The following FGD5 variants were observed in gnomAD, a reference collection of about 807,000 sequenced individuals.
FGD5 encodes FYVE, RhoGEF and PH domain-containing protein 5.
A neutral mutation model predicts 133.4 loss-of-function variants in FGD5; 28 were observed. That is an observed-to-expected ratio of 0.21 (90% confidence interval 0.16 to 0.29). The LOEUF (loss-of-function observed/expected upper bound fraction) is 0.29. FGD5 is among the 10% of genes least tolerant of loss of function. The pLI is 1.00. For synonymous variants in FGD5, 810 were observed against 776.5 expected, an observed-to-expected ratio of 1.04 and a Z score of -0.72; for missense variants, 1,858 against 1,895.2, an observed-to-expected ratio of 0.98 and a Z score of 0.36.
At chr3:14,876,092 G>A (rs1385929202) in intron 2 of FGD5, among the ~76,000 whole-genome samples, 6 of 152,176 alleles carry the variant, frequency 3.9e-5, no homozygotes, top group Non-Finnish European at 8.8e-5. Context: ...GCATCTTGAG[G>A]TTGTTCCTTC....
chr3:14,892,141 C>G (rs566154448), intron 4 of FGD5, among the ~76,000 whole-genome samples: 4 of 152,078 alleles, frequency 2.6e-5, no homozygotes, highest in South Asian at 2.1e-4. Context: ...GAAGGGCTGT[C>G]CATCCTCTCT....
intron 1 of FGD5, among the ~76,000 whole-genome samples, chr3:14,831,503 C>T (rs375239031): frequency 1.6e-4 from 24 of 152,256 alleles, no homozygotes; most frequent in East Asian, 1.2e-3. Flanking sequence ...CCACCCATGA[C>T]TGCTCTGGAG....
intron 1 of FGD5, among the ~76,000 whole-genome samples, chr3:14,860,232 C>T (rs969038282): frequency 1.3e-5 from 2 of 152,152 alleles, no homozygotes; most frequent in Admixed American, 1.3e-4. Context: ...AATGTCTTGT[C>T]GTGGACCGTG....
chr3:14,814,033 G>A (rs181760477), upstream of FGD5, among the ~76,000 whole-genome samples: 597 of 152,284 alleles, frequency 3.9e-3, 4 homozygotes, highest in African/African-American at 0.014. Flanking sequence ...GGCTCAAAGG[G>A]TGTTTGGAGT....
chr3:14,934,388 T>C lies in FGD5; in HGVS notation c.*1221T>C, dbSNP rs1029060098. ...ACTGCAATAAAAATCAATTGTTTGA[T>C]ATCCTGTCCCCATTCTGTTGCTGCC... On this transcript the variant is annotated 3_prime_UTR_variant, in exon 20 of 20. Transcript: ENST00000285046. 2.6e-5 allele frequency: 4 copies of C among 152,230 alleles called. No homozygotes were observed. The highest frequency in any genetic ancestry group is 6.5e-5 in the Admixed American group (1 of 15,286). The allele number at this position is 152,230 out of a possible 1,614,324, so 9.4% of individuals were successfully genotyped here. A position where few individuals can be genotyped will look rare whatever the true frequency, so the allele number is the denominator to read the frequency against.
intron 1 of FGD5, among the ~76,000 whole-genome samples, chr3:14,862,295 C>T (rs2037414886): frequency 6.6e-6 from 1 of 152,204 alleles, no homozygotes; most frequent in Non-Finnish European, 1.5e-5. Context: ...CAGGACTCCA[C>T]TCCAAGTCTG....
intron 2 of FGD5, among the ~76,000 whole-genome samples, chr3:14,874,414 A>G (rs896792940): frequency 6.6e-6 from 1 of 152,134 alleles, no homozygotes; most frequent in Admixed American, 6.5e-5. Flanking sequence ...CCAGCTACTC[A>G]GGAGGCTGAG....
At chr3:14,900,885 A>C (rs1223629717) in intron 8 of FGD5, 118 bp from the exon 9 acceptor site, 2 of 1,081,252 alleles carry the variant, frequency 1.8e-6, no homozygotes, top group Admixed American at 1.7e-5. Flanking sequence ...AATCACTGTC[A>C]AGGTCACCTA....
chr3:14,926,504 G>A (rs1380151676), intron 18 of FGD5, among the ~76,000 whole-genome samples: 2 of 152,244 alleles, frequency 1.3e-5, no homozygotes, highest in African/African-American at 4.8e-5. Flanking sequence ...GATGGAACAA[G>A]CCAGCCATGC....
intron 9 of FGD5, among the ~76,000 whole-genome samples, chr3:14,902,281 TAA>T (rs34728691): frequency 6.4e-5 from 8 of 124,458 alleles, no homozygotes; most frequent in African/African-American, 9.2e-5. Flanking sequence ...GATTCCATCT[TAA>T]AAAAAAAAAA....
chr3:14,881,213 C>T (rs1478005313), intron 4 of FGD5, among the ~76,000 whole-genome samples: 1 of 152,030 alleles, frequency 6.6e-6, no homozygotes, highest in Non-Finnish European at 1.5e-5. Context: ...TCCTCAGTCT[C>T]CTTAGTGTCA....
chr3:14,845,880 A>T (rs1326314102), intron 1 of FGD5, among the ~76,000 whole-genome samples: 1 of 152,160 alleles, frequency 6.6e-6, no homozygotes, highest in African/African-American at 2.4e-5. Flanking sequence ...CAGAATCTGG[A>T]GAGGGGCTAT....
At chr3:14,839,549 C>A (rs749605797) in intron 1 of FGD5, among the ~76,000 whole-genome samples, 4 of 152,156 alleles carry the variant, frequency 2.6e-5, no homozygotes, top group African/African-American at 7.2e-5. Flanking sequence ...CTCAACAATG[C>A]GGAGCTCTGC....
intron 1 of FGD5, among the ~76,000 whole-genome samples, chr3:14,821,928 C>T (rs1008985248): frequency 2.0e-5 from 3 of 151,952 alleles, no homozygotes; most frequent in Admixed American, 6.5e-5. Flanking sequence ...GGTGAAACCC[C>T]GTCTCTACTA....
At chr3:14,916,074 A>T (rs890433958) in intron 11 of FGD5, among the ~76,000 whole-genome samples, 10 of 152,156 alleles carry the variant, frequency 6.6e-5, no homozygotes, top group African/African-American at 2.2e-4. Context: ...CCCCTGGTTC[A>T]TGTTGGCTCC....
In FGD5 at chr3:14,821,551, A is replaced by G. The variant is rs1186909992; in HGVS notation, c.2480A>G (p.Asn827Ser). 34 of 1,612,580 alleles carry G rather than the reference A, an allele frequency of 2.1e-5. No individual in the cohort carries two copies. The highest frequency in any genetic ancestry group is 5.3e-5 in the African/African-American group (4 of 74,912). ...GGCTACGTGGACATGAGCAGCTTCA[A>G]CGCCTTTGAGAGCAAACAGCAGAGT... ...NDGYVDMSSFNAFESKQQSAD... is the reference protein window; with the variant it reads ...NDGYVDMSSFSAFESKQQSAD... Residue 827 changes from asparagine (N) to serine (S), a missense_variant, in exon 1 of 20, where the codon AAC (asparagine) becomes AGC (serine). Transcript: ENST00000285046.
At chr3:14,860,625 G>C (rs186280748) in intron 1 of FGD5, among the ~76,000 whole-genome samples, 2 of 152,268 alleles carry the variant, frequency 1.3e-5, no homozygotes, top group East Asian at 1.9e-4. Flanking sequence ...ATATGAGCAA[G>C]ATAACTTTAG....
chr3:14,826,749 TTCTG>T (rs937315077), intron 1 of FGD5, among the ~76,000 whole-genome samples: 8 of 152,182 alleles, frequency 5.3e-5, no homozygotes, highest in Admixed American at 1.3e-4. Flanking sequence ...TGCTGTGTAT[TTCTG>T]TCTGTCTGTC....
chr3:14,903,142 C>G (rs146294929), intron 9 of FGD5, among the ~76,000 whole-genome samples: 191 of 152,356 alleles, frequency 1.3e-3, no homozygotes, highest in Non-Finnish European at 2.2e-3. Flanking sequence ...TCCAGAACTT[C>G]TCTTCCCAGA....
Sources: gnomAD v4.1 joint callset for allele counts (sites outside exome capture counted in the v4.1 genomes callset) on GRCh38, gnomAD v4.1.1 for gene constraint, MANE v1.5 for transcripts, NCBI Gene and HGNC (gene_info 2026-07-23, HGNC 2026-07-21) for gene names.